Variants in CCDC88A observed in about 807,000 individuals in gnomAD.
CCDC88A encodes the protein coiled-coil and HOOK domain protein 88A.
Under a neutral mutation model 234.3 loss-of-function variants are expected in CCDC88A, and 54 were observed. That is an observed-to-expected ratio of 0.23 (90% CI 0.19 to 0.29). CCDC88A has a LOEUF of 0.29. Ranked by LOEUF, CCDC88A falls within the 10% of genes least tolerant of loss-of-function variation. CCDC88A has a pLI of 1.00. For synonymous variants in CCDC88A, 753 were observed against 737.8 expected (o/e 1.02, Z -0.33); for missense variants, 1,832 against 2,123.4 (o/e 0.86, Z 2.70).
Position 55,343,764 on chromosome 2 carries a change from T to C in CCDC88A, c.1217A>G (p.Glu406Gly). 6.2e-7 allele frequency: 1 copy of C among 1,611,020 alleles called. No homozygotes were observed. The highest frequency in any genetic ancestry group is 8.5e-7 in the Non-Finnish European group (1 of 1,178,172). Reference protein sequence around the residue: ...MERDMDRKKIEELMEENMTLE... With the variant: ...MERDMDRKKIGELMEENMTLE... ...AGTCATATTTTCTTCCATTAATTCT[T>C]CAATCTTTTTTCTATCCATATCTCG... Residue 406 changes from glutamate (E) to glycine (G), a missense_variant, in exon 12 of 33, where the codon GAA (glutamate) becomes GGA (glycine). Glu to Gly is a moderately conservative substitution (Grantham distance 98). Coordinates refer to ENST00000436346, the MANE Select transcript of CCDC88A (RefSeq NM_001365480.1).
At chr2:55,353,746 T>C (rs1670197824) in intron 8 of CCDC88A, among the ~76,000 whole-genome samples, 1 of 152,026 alleles carries the variant, frequency 6.6e-6, no homozygotes, top group Non-Finnish European at 1.5e-5. Context: ...TGATCACATC[T>C]TTACTTGTGG....
At chr2:55,411,414 T>A (rs1356938603) in intron 2 of CCDC88A, among the ~76,000 whole-genome samples, 1 of 152,136 alleles carries the variant, frequency 6.6e-6, no homozygotes, top group Non-Finnish European at 1.5e-5. Context: ...ATGAATCATA[T>A]TGAGAATGAG....
At chr2:55,311,879 A>G (rs1021174581) in intron 23 of CCDC88A, among the ~76,000 whole-genome samples, 4 of 152,110 alleles carry the variant, frequency 2.6e-5, no homozygotes, top group African/African-American at 9.7e-5. Context: ...GGCATAGAAC[A>G]ACCTTTGTAA....
chr2:55,389,642 A>G (rs1409356760), intron 2 of CCDC88A, among the ~76,000 whole-genome samples: 2 of 152,188 alleles, frequency 1.3e-5, no homozygotes, highest in African/African-American at 2.4e-5. Flanking sequence ...TATTTCCATA[A>G]TTCTCAAACT....
In CCDC88A at chr2:55,288,346, C is replaced by G. The variant is rs1679210143; in HGVS notation, c.*2854G>C. ...CTTAAAGAAAAAATACATCTCAGGACTAAGTGTAGCTGAAAAGAAAAACAC... is the reference window on the plus strand; with the variant it reads ...CTTAAAGAAAAAATACATCTCAGGAGTAAGTGTAGCTGAAAAGAAAAACAC... On this transcript the variant is annotated 3_prime_UTR_variant, in exon 33 of 33. Transcript: ENST00000436346. 6.6e-6 allele frequency: 1 copy of G among 152,520 alleles called. No individual in the cohort carries two copies. The highest frequency in any genetic ancestry group is 2.4e-5 in the African/African-American group (1 of 41,402). The allele number at this position is 152,520 out of a possible 1,614,324, so 9.4% of individuals were successfully genotyped here. A position where few individuals can be genotyped will look rare whatever the true frequency, so the allele number is the denominator to read the frequency against.
chr2:55,394,994 C>T (rs532354202), intron 2 of CCDC88A, among the ~76,000 whole-genome samples: 47 of 151,912 alleles, frequency 3.1e-4, no homozygotes, highest in South Asian at 8.3e-4. Flanking sequence ...TACAGGTGCA[C>T]GCCACCACAC....
Position 55,384,547 on chromosome 2 carries a change from ATG to A in CCDC88A, c.273+4229_273+4230del, listed in dbSNP as rs1422809348. Among the ~76,000 whole-genome samples, 20 of 71,990 alleles carry A rather than the reference ATG, an allele frequency of 2.8e-4. 5 individuals carry two copies. The highest frequency in any genetic ancestry group is 1.3e-3 in the African/African-American group (20 of 15,962). 47.2% of individuals were successfully genotyped at this position (71,990 alleles called of 152,430 possible). A position where few individuals can be genotyped will look rare whatever the true frequency, so the allele number is the denominator to read the frequency against. On this transcript the variant is annotated intron_variant, in intron 3 of 32. Coordinates refer to ENST00000436346, the MANE Select transcript of CCDC88A (RefSeq NM_001365480.1). The stretch of plus-strand genomic sequence containing the variant: ...TATATATATACATATATACGTATAT[ATG>A]TGTATATATACACATATATACGTAT...
At chr2:55,347,776 T>G (rs1669355825) in intron 9 of CCDC88A, among the ~76,000 whole-genome samples, 1 of 151,266 alleles carries the variant, frequency 6.6e-6, no homozygotes, top group African/African-American at 2.4e-5. Context: ...CACACCCAAT[T>G]AATTTTTGTA....
intron 30 of CCDC88A, 55 bp from the exon 31 acceptor site, chr2:55,296,111 T>G: frequency 7.1e-7 from 1 of 1,415,354 alleles, no homozygotes; most frequent in Non-Finnish European, 9.5e-7. Context: ...TGTTTTTACT[T>G]TCCTGATTTA....
chr2:55,356,759 A>C (rs1670639505), intron 7 of CCDC88A: 1 of 152,114 alleles, frequency 6.6e-6, no homozygotes, highest in African/African-American at 2.4e-5. Context: ...GTGAAATCCC[A>C]CATGTACTAA....
At chr2:55,357,259 C>T (rs1670700325) in intron 7 of CCDC88A, among the ~76,000 whole-genome samples, 1 of 152,126 alleles carries the variant, frequency 6.6e-6, no homozygotes, top group African/African-American at 2.4e-5. Flanking sequence ...CAATCTGCTT[C>T]CTATCTCAAA....
At chr2:55,409,738 C>CTTTTTTTTTTTT (rs61703330) in intron 2 of CCDC88A, among the ~76,000 whole-genome samples, 4 of 111,734 alleles carry the variant, frequency 3.6e-5, no homozygotes, top group Admixed American at 9.1e-5. Flanking sequence ...ATATACCTCC[C>CTTTTTTTTTTTT]TTTTTTTTTT....
chr2:55,394,923 G>C (rs530878754), intron 2 of CCDC88A, among the ~76,000 whole-genome samples: 14 of 151,916 alleles, frequency 9.2e-5, no homozygotes, highest in African/African-American at 3.4e-4. Flanking sequence ...TCCACTCACT[G>C]CAACCTCCAC....
At chr2:55,351,474 G>A (rs960197993) in intron 8 of CCDC88A, among the ~76,000 whole-genome samples, 3 of 151,856 alleles carry the variant, frequency 2.0e-5, no homozygotes, top group African/African-American at 7.3e-5. Flanking sequence ...AAGCTCCCAC[G>A]TAGCTGGGAC....
intron 5 of CCDC88A, among the ~76,000 whole-genome samples, chr2:55,371,758 T>A (rs1672877900): frequency 1.4e-5 from 2 of 147,302 alleles, no homozygotes; most frequent in South Asian, 4.4e-4. Flanking sequence ...AGTGTTGGGA[T>A]TACAGGCATG....
intron 3 of CCDC88A, among the ~76,000 whole-genome samples, chr2:55,385,778 G>A (rs1675479402): frequency 1.5e-5 from 2 of 132,526 alleles, no homozygotes; most frequent in Non-Finnish European, 3.1e-5. Context: ...CCTTGAATCC[G>A]GGAGGCAGAG....
At chr2:55,318,791 A>T in intron 19 of CCDC88A, 52 bp downstream of exon 19, 2 of 1,348,472 alleles carry the variant, frequency 1.5e-6, no homozygotes, top group South Asian at 3.3e-5. Context: ...CCTTATTTTA[A>T]TAGCATAATT....
chr2:55,391,778 T>C lies in CCDC88A; in HGVS notation c.165-2892A>G, dbSNP rs529406539. Reference sequence around the variant, plus strand: ...GAATGAACAGAGACTAAATGATCTATGGGGCAATATTAAACACATATTACT... The same window carrying C: ...GAATGAACAGAGACTAAATGATCTACGGGGCAATATTAAACACATATTACT... On this transcript the variant is annotated intron_variant, in intron 2 of 32. Coordinates refer to ENST00000436346, the MANE Select transcript of CCDC88A (RefSeq NM_001365480.1). Among the ~76,000 whole-genome samples the C allele has an allele frequency of 2.0e-4, 31 of 152,334 alleles. No homozygotes were observed. In the East Asian group the frequency reaches 5.8e-3, roughly 28 times the overall value.
intron 23 of CCDC88A, 103 bp downstream of exon 23, chr2:55,312,331 T>C (rs1216288527): frequency 8.8e-6 from 9 of 1,027,470 alleles, no homozygotes; most frequent in Non-Finnish European, 1.3e-5. Context: ...AAATATTTGT[T>C]GAAAATCAGT....
Sources: allele counts gnomAD v4.1 joint callset (sites outside exome capture counted in the v4.1 genomes callset), GRCh38; gene constraint gnomAD v4.1.1; transcripts MANE v1.5; gene names NCBI Gene and HGNC (gene_info 2026-07-23, HGNC 2026-07-21).